Variants in PCDH7 observed in about 807,000 individuals in gnomAD.
The protein encoded by PCDH7 is protocadherin-7.
A neutral mutation model predicts 58.9 loss-of-function variants in PCDH7; 17 were observed. The observed-to-expected ratio is 0.29, with a 90% CI of 0.20 to 0.43. PCDH7 has a LOEUF of 0.43. Among genes scored for constraint, PCDH7 ranks in the 20% least tolerant of loss-of-function variants. The pLI is 1.00. For synonymous variants in PCDH7, 664 were observed against 616.4 expected (o/e 1.08, Z -1.14); for missense variants, 1,274 against 1,441.0 (o/e 0.88, Z 1.88).
chr4:30,868,122 T>A (rs1578106574), intron 1 of PCDH7, among the ~76,000 whole-genome samples: 1 of 152,194 alleles, frequency 6.6e-6, no homozygotes, highest in East Asian at 1.9e-4. Flanking sequence ...TAAAAATTCA[T>A]GCACTACTAA....
At chr4:30,799,557 C>G (rs1725258466) in intron 1 of PCDH7, among the ~76,000 whole-genome samples, 2 of 152,078 alleles carry the variant, frequency 1.3e-5, no homozygotes, top group Admixed American at 1.3e-4. Flanking sequence ...ATTCAATGTA[C>G]TTTATCATGT....
At chr4:30,882,627 A>G (rs541863039) in intron 1 of PCDH7, among the ~76,000 whole-genome samples, 159 of 152,198 alleles carry the variant, frequency 1.0e-3, no homozygotes, top group Non-Finnish European at 2.1e-3. Context: ...TAAAATAAAT[A>G]CAATATGCAC....
At chr4:31,108,879 A>G (rs1238845021) in intron 3 of PCDH7, among the ~76,000 whole-genome samples, 1 of 152,092 alleles carries the variant, frequency 6.6e-6, no homozygotes, top group Non-Finnish European at 1.5e-5. Context: ...AAGGCAATAA[A>G]CATTTCTTAC....
At chr4:30,935,455 A>G (rs918036337) in intron 2 of PCDH7, 17 of 237,078 alleles carry the variant, frequency 7.2e-5, no homozygotes, top group African/African-American at 4.0e-4. Flanking sequence ...TATAACAAAT[A>G]TAATTCTATG....
chr4:30,929,504 G>A (rs1744295217), intron 2 of PCDH7, among the ~76,000 whole-genome samples: 1 of 152,104 alleles, frequency 6.6e-6, no homozygotes, highest in South Asian at 2.1e-4. Flanking sequence ...TATCTGAAAT[G>A]CATGCAAATT....
intron 3 of PCDH7, among the ~76,000 whole-genome samples, chr4:31,003,625 G>A (rs1259300266): frequency 6.6e-6 from 1 of 151,954 alleles, no homozygotes; most frequent in Non-Finnish European, 1.5e-5. Context: ...TTCCGATTTG[G>A]GGCCAGGCAC....
intron 1 of PCDH7, among the ~76,000 whole-genome samples, chr4:30,876,130 C>T (rs1337449682): frequency 6.6e-6 from 1 of 152,018 alleles, no homozygotes; most frequent in Non-Finnish European, 1.5e-5. Context: ...TAATTCCTGG[C>T]CACTCACATG....
At chr4:31,013,489 G>C (rs892715318) in intron 3 of PCDH7, among the ~76,000 whole-genome samples, 1 of 149,380 alleles carries the variant, frequency 6.7e-6, no homozygotes, top group African/African-American at 2.5e-5. Flanking sequence ...TATATAATAT[G>C]TGTGTGTATG....
chr4:30,912,749 A>G (rs1741956619), intron 1 of PCDH7, among the ~76,000 whole-genome samples: 1 of 152,190 alleles, frequency 6.6e-6, no homozygotes, highest in Non-Finnish European at 1.5e-5. Context: ...TCCTTTTGCC[A>G]ATAAAATCCC....
At chr4:30,734,069 T>TAA (rs34895355), downstream of PCDH7, among the ~76,000 whole-genome samples, 48 of 150,678 alleles carry the variant, frequency 3.2e-4, 1 homozygote, top group East Asian at 5.6e-3. Context: ...TAGGTTATCT[T>TAA]AAAAAAAAAC....
intron 1 of PCDH7, among the ~76,000 whole-genome samples, chr4:30,860,020 A>G (rs1451466174): frequency 6.6e-6 from 1 of 152,168 alleles, no homozygotes; most frequent in Non-Finnish European, 1.5e-5. Context: ...TTCCAAAAGT[A>G]GTGAAAAAAT....
At chr4:30,804,023 C>T (rs1393344536) in intron 1 of PCDH7, among the ~76,000 whole-genome samples, 1 of 152,180 alleles carries the variant, frequency 6.6e-6, no homozygotes, top group East Asian at 1.9e-4. Flanking sequence ...TTCATCAGGA[C>T]AGAACCCTCA....
intron 1 of PCDH7, among the ~76,000 whole-genome samples, chr4:30,745,603 G>A (rs1195851429): frequency 6.6e-6 from 1 of 152,024 alleles, no homozygotes; most frequent in Non-Finnish European, 1.5e-5. Flanking sequence ...GGAAAACAGT[G>A]GAGGCAAAAC....
chr4:30,741,087 A>T (rs1478639688), intron 1 of PCDH7, among the ~76,000 whole-genome samples: 1 of 152,152 alleles, frequency 6.6e-6, no homozygotes, highest in African/African-American at 2.4e-5. Flanking sequence ...TTTGTAATAT[A>T]ACTTTGATAT....
At chr4:30,755,045 C>A (rs1719097925) in intron 1 of PCDH7, among the ~76,000 whole-genome samples, 1 of 152,106 alleles carries the variant, frequency 6.6e-6, no homozygotes, top group Admixed American at 6.6e-5. Flanking sequence ...GGTTTAACAA[C>A]TTTTCAAAGA....
At chr4:30,810,349 A>C (rs1361854651) in intron 1 of PCDH7, among the ~76,000 whole-genome samples, 1 of 152,146 alleles carries the variant, frequency 6.6e-6, no homozygotes, top group Admixed American at 6.5e-5. Flanking sequence ...GTTCATTTTC[A>C]TTTAATAAGT....
chr4:30,876,616 C>T (rs1736322927), intron 1 of PCDH7, among the ~76,000 whole-genome samples: 1 of 151,720 alleles, frequency 6.6e-6, no homozygotes, highest in South Asian at 2.1e-4. Flanking sequence ...ATACTTTAGA[C>T]CTCAGGGAAT....
intron 1 of PCDH7, among the ~76,000 whole-genome samples, chr4:30,847,472 T>A (rs1418455939): frequency 1.3e-5 from 2 of 152,192 alleles, no homozygotes; most frequent in Non-Finnish European, 2.9e-5. Flanking sequence ...CACATCCACA[T>A]GCATTAATGT....
At chr4:30,887,104 G>A in intron 1 of PCDH7, among the ~76,000 whole-genome samples, 1 of 151,866 alleles carries the variant, frequency 6.6e-6, no homozygotes, top group Non-Finnish European at 1.5e-5. Context: ...ACAATGTGCA[G>A]GTTATATACT....
Sources: allele counts gnomAD v4.1 joint callset (sites outside exome capture counted in the v4.1 genomes callset), GRCh38; gene constraint gnomAD v4.1.1; transcripts MANE v1.5; gene names NCBI Gene and HGNC (gene_info 2026-07-23, HGNC 2026-07-21).